Variants in MRO observed in about 807,000 individuals in gnomAD.
The protein encoded by MRO is maestro.
In MRO, 28 loss-of-function variants were observed where a neutral mutation model predicts 31.0. The observed-to-expected ratio is 0.90, with a 90% CI of 0.67 to 1.24. MRO has a LOEUF of 1.24. MRO is among the 50% of genes most tolerant of loss of function. The probability of loss-of-function intolerance (pLI) is 0.00; values close to 1 mark genes in which losing one functional copy is unlikely to be tolerated. For synonymous variants in MRO, 108 were observed against 108.4 expected (o/e 1.00, Z 0.02); for missense variants, 332 against 289.2 (o/e 1.15, Z -1.07).
At position 50,800,132 on chromosome 18, in the gene MRO, T is replaced by C. The variant is rs1255016471; in HGVS notation, c.597A>G (p.Thr199=). 6.8e-6 allele frequency: 11 copies of C among 1,609,506 alleles called. No homozygotes were observed. The highest frequency in any genetic ancestry group is 7.6e-6 in the Non-Finnish European group (9 of 1,176,930). Reference sequence around the variant, plus strand: ...GATATGGAGAACAGGCTTGAAATGTTGTTTTGCAAGCCTGAGAAAAATAAT... The same window carrying C: ...GATATGGAGAACAGGCTTGAAATGTCGTTTTGCAAGCCTGAGAAAAATAAT... ...RNPQVAKACK[T]TFQACSPYLK... Residue 199 remains threonine (T), a synonymous_variant, in exon 7 of 8, where the codon ACA becomes ACG. Transcript: ENST00000398439.
At chr18:50,806,623 A>C in intron 4 of MRO, 81 bp downstream of exon 4, 3 of 1,537,136 alleles carry the variant, frequency 2.0e-6, no homozygotes, top group Non-Finnish European at 2.7e-6. Flanking sequence ...AACAGACACC[A>C]TACTCCAGCC....
rs762778087 is a variant in MRO at position 50,796,442 on chromosome 18, A to G, written c.*2895T>C. On this transcript the variant is annotated 3_prime_UTR_variant, in exon 8 of 8. Transcript: ENST00000398439. ...CCATATACAAAAAAAAACTTTTCAG[A>G]TAAGATATAAGTGGTATAATATTGC... 3 of 152,124 alleles carry G rather than the reference A, an allele frequency of 2.0e-5. No individual in the cohort carries two copies. The highest frequency in any genetic ancestry group is 4.4e-5 in the Non-Finnish European group (3 of 67,990). The allele number at this position is 152,124 out of a possible 1,614,324, so 9.4% of individuals were successfully genotyped here.
At chr18:50,824,482 T>G, upstream of MRO, among the ~76,000 whole-genome samples, 1 of 146,184 alleles carries the variant, frequency 6.8e-6, no homozygotes. Context: ...TGAGACAGAG[T>G]CTCATTCTGT....
rs183525944 is a variant in MRO at position 50,797,039 on chromosome 18, T to C, written c.*2298A>G. 4.6e-5 allele frequency: 7 copies of C among 152,368 alleles called. No individual in the cohort carries two copies. The highest frequency in any genetic ancestry group is 8.8e-5 in the Non-Finnish European group (6 of 68,036). The allele number at this position is 152,368 out of a possible 1,614,324, so 9.4% of individuals were successfully genotyped here. A position where few individuals can be genotyped will look rare whatever the true frequency, so the allele number is the denominator to read the frequency against. On this transcript the variant is annotated 3_prime_UTR_variant, in exon 8 of 8. Transcript: ENST00000398439. ...ATAAGGAATCTTCTCTGGTTACTTA[T>C]TGCAGTGTGACAAATTATCCCAAAG...
chr18:50,819,439 G>A (rs995950687), intron 2 of MRO, 142 bp downstream of exon 2: 1 of 1,437,570 alleles, frequency 7.0e-7, no homozygotes, highest in African/African-American at 1.4e-5. Context: ...TTTACAAAGA[G>A]AACATTACCA....
chr18:50,819,101 GA>G (rs1313358861), intron 2 of MRO, among the ~76,000 whole-genome samples: 2 of 149,026 alleles, frequency 1.3e-5, no homozygotes, highest in African/African-American at 4.9e-5. Flanking sequence ...CTTCATTTTA[GA>G]AAAGAAGAAA....
At chr18:50,808,588 C>A (rs564539174) in intron 3 of MRO, among the ~76,000 whole-genome samples, 1 of 151,644 alleles carries the variant, frequency 6.6e-6, no homozygotes, top group Admixed American at 6.6e-5. Context: ...CCCTGAGTAG[C>A]TGGGACTACA....
intron 2 of MRO, among the ~76,000 whole-genome samples, chr18:50,817,158 A>G (rs1356117584): frequency 6.6e-6 from 1 of 152,188 alleles, no homozygotes; most frequent in Non-Finnish European, 1.5e-5. Flanking sequence ...TCACAGAGTT[A>G]CATCTTGAGC....
At chr18:50,806,515 T>C (rs563779796) in intron 4 of MRO, among the ~76,000 whole-genome samples, 189 bp downstream of exon 4, 3 of 152,330 alleles carry the variant, frequency 2.0e-5, no homozygotes, top group African/African-American at 7.2e-5. Context: ...GAGCTGCACC[T>C]GGACTCCTGA....
Position 50,806,796 on chromosome 18 carries a change from T to C in MRO, c.154A>G (p.Ile52Val). The C allele has an allele frequency of 6.2e-7, 1 of 1,614,114 alleles. No individual in the cohort carries two copies. Among genetic ancestry groups the C allele is most frequent in the Non-Finnish European group, 8.5e-7 (1 of 1,180,010 alleles). Residue 52 changes from isoleucine to valine, a missense_variant, in exon 4 of 8, where the codon ATC becomes GTC. By Grantham distance (29) the Ile-to-Val change is conservative. Coordinates refer to ENST00000398439, the MANE Select transcript of MRO (RefSeq NM_031939.6). ...KREPLKNVFF[I>V]LAERARDPSA... ...GGGTCCCGAGCTCTTTCTGCCAAGA[T>C]GAAAAACACATTCTTCAGAGGCTCC...
intron 6 of MRO, among the ~76,000 whole-genome samples, chr18:50,800,683 G>C (rs146476586): frequency 1.3e-5 from 2 of 152,064 alleles, no homozygotes; most frequent in African/African-American, 4.8e-5. Context: ...TCAGGAGTTC[G>C]AGACCAGCCT....
chr18:50,824,587 T>A (rs1877625140), upstream of MRO, among the ~76,000 whole-genome samples: 1 of 150,986 alleles, frequency 6.6e-6, no homozygotes, highest in Non-Finnish European at 1.5e-5. Context: ...CCTTAGTAGC[T>A]GGGACTACAG....
At position 50,819,669 on chromosome 18, in the gene MRO, G is replaced by A; in HGVS notation, c.-93C>T. The stretch of plus-strand genomic sequence containing the variant: ...GCTTTCCCGGGTAGTAGCCAAATGT[G>A]ATGACTCGGCTAAATTTTCCCAGCC... On this transcript the variant is annotated 5_prime_UTR_variant, in exon 2 of 8. Transcript: ENST00000398439. 5.8e-6 allele frequency: 9 copies of A among 1,551,260 alleles called. No homozygotes were observed. In the South Asian group the frequency reaches 9.5e-5, roughly 16 times the overall value.
At chr18:50,799,756 C>T (rs973941188) in intron 7 of MRO, among the ~76,000 whole-genome samples, 4 of 152,046 alleles carry the variant, frequency 2.6e-5, no homozygotes, top group African/African-American at 9.7e-5. Context: ...ACTAAAAATA[C>T]AAAAATTAGC....
intron 2 of MRO, among the ~76,000 whole-genome samples, chr18:50,814,179 C>T (rs190769428): frequency 6.6e-6 from 1 of 151,912 alleles, no homozygotes; most frequent in East Asian, 1.9e-4. Context: ...ACTCCTGTCC[C>T]ATGTTGAACG....
upstream of MRO, among the ~76,000 whole-genome samples, chr18:50,822,910 C>T (rs1915360380): frequency 6.6e-6 from 1 of 151,986 alleles, no homozygotes; most frequent in Non-Finnish European, 1.5e-5. Flanking sequence ...GGAGAATCAA[C>T]CAGTAGAGGA....
At chr18:50,817,732 G>T (rs1915049721) in intron 2 of MRO, among the ~76,000 whole-genome samples, 2 of 152,118 alleles carry the variant, frequency 1.3e-5, no homozygotes, top group African/African-American at 4.8e-5. Flanking sequence ...GCCGAGGGAT[G>T]AGAAAGAGAA....
Position 50,797,137 on chromosome 18 carries a change from C to G in MRO, c.*2200G>C, listed in dbSNP as rs183449588. On this transcript the variant is annotated 3_prime_UTR_variant, in exon 8 of 8. Transcript: ENST00000398439. ...GCAACTGACACAGGCTTGATGGAGA[C>G]GCTCGTCTCTTTTCCGTATGGTGTC... is the stretch of plus-strand genomic sequence containing the variant. 6 of 152,184 alleles carry G rather than the reference C, an allele frequency of 3.9e-5. No individual in the cohort carries two copies. The highest frequency in any genetic ancestry group is 2.0e-4 in the Admixed American group (3 of 15,282). 9.4% of individuals were successfully genotyped at this position (152,184 alleles called of 1,614,324 possible).
chr18:50,819,567 A>G lies in MRO; in HGVS notation c.-5+14T>C. ...CCGCTGCATCTGGCTGCCCCGGCCA[A>G]CAGTGTCCCTTACCTGCGGCTCCTG... is the stretch of plus-strand genomic sequence containing the variant. On this transcript the variant is annotated intron_variant, in intron 2 of 7. Coordinates refer to ENST00000398439, the MANE Select transcript of MRO (RefSeq NM_031939.6). 14 of 1,551,504 alleles carry G rather than the reference A, an allele frequency of 9.0e-6. No individual in the cohort carries two copies. Among genetic ancestry groups the G allele is most frequent in the Non-Finnish European group, 1.2e-5 (14 of 1,146,908 alleles).
Sources: gnomAD v4.1 joint callset for allele counts (sites outside exome capture counted in the v4.1 genomes callset) on GRCh38, gnomAD v4.1.1 for gene constraint, MANE v1.5 for transcripts, NCBI Gene and HGNC (gene_info 2026-07-23, HGNC 2026-07-21) for gene names.